Variants in GALNT2 observed in about 807,000 individuals in gnomAD.
The protein encoded by GALNT2 is UDP-GalNAc:polypeptide N-acetylgalactosaminyltransferase 2.
Under a neutral mutation model 81.4 loss-of-function variants are expected in GALNT2, and 31 were observed. That is an observed-to-expected ratio of 0.38 (90% CI 0.29 to 0.51). GALNT2 has a LOEUF of 0.51. GALNT2 is among the 20% of genes least tolerant of loss of function. The pLI, the probability that GALNT2 is intolerant of heterozygous loss-of-function variation, is 0.87. For missense variants in GALNT2, 629 were observed against 765.7 expected (o/e 0.82, Z 2.11); for synonymous variants, 303 against 287.4 (o/e 1.05, Z -0.55).
chr1:230,073,464 G>A (rs1659435932), intron 1 of GALNT2, among the ~76,000 whole-genome samples: 1 of 152,188 alleles, frequency 6.6e-6, no homozygotes, highest in Non-Finnish European at 1.5e-5. Context: ...CTCCTGCCTG[G>A]CTCTTGCCTC....
chr1:230,094,891 C>T (rs1465642895), intron 1 of GALNT2, among the ~76,000 whole-genome samples: 20 of 152,088 alleles, frequency 1.3e-4, no homozygotes, highest in Admixed American at 1.2e-3. Context: ...AAGCGGATTC[C>T]GATACCTCGC....
intron 1 of GALNT2, among the ~76,000 whole-genome samples, chr1:230,100,377 A>T (rs1660367955): frequency 7.5e-6 from 1 of 133,100 alleles, no homozygotes; most frequent in African/African-American, 2.9e-5. Context: ...CCCAGGCTGG[A>T]GTGCAATGGC....
chr1:230,183,585 A>C (rs1035592545), intron 2 of GALNT2, among the ~76,000 whole-genome samples: 2 of 152,228 alleles, frequency 1.3e-5, no homozygotes, highest in African/African-American at 4.8e-5. Flanking sequence ...TTTTACATCC[A>C]CATAAGCATA....
chr1:230,147,133 G>C (rs903938331), intron 1 of GALNT2, among the ~76,000 whole-genome samples: 6 of 152,062 alleles, frequency 3.9e-5, no homozygotes, highest in African/African-American at 1.2e-4. Flanking sequence ...GGGATGAGGG[G>C]TGGGCAGTGC....
chr1:230,246,976 C>T (rs1033339262), intron 8 of GALNT2, among the ~76,000 whole-genome samples: 8 of 151,840 alleles, frequency 5.3e-5, no homozygotes, highest in Non-Finnish European at 8.8e-5. Context: ...CAGTGGCTCA[C>T]GCTTATAATC....
At chr1:230,268,810 C>A (rs913122201) in intron 14 of GALNT2, among the ~76,000 whole-genome samples, 2 of 152,184 alleles carry the variant, frequency 1.3e-5, no homozygotes, top group Non-Finnish European at 2.9e-5. Flanking sequence ...GTGGCCCTCA[C>A]CCCCCGGTCC....
intron 2 of GALNT2, among the ~76,000 whole-genome samples, chr1:230,184,524 G>A (rs1182248318): frequency 1.3e-5 from 2 of 151,804 alleles, no homozygotes; most frequent in Non-Finnish European, 2.9e-5. Context: ...AATTCTAGGT[G>A]GTCATTTTTT....
chr1:230,071,550 G>C (rs78166680), intron 1 of GALNT2, among the ~76,000 whole-genome samples: 1 of 152,124 alleles, frequency 6.6e-6, no homozygotes, highest in South Asian at 2.1e-4. Flanking sequence ...AGGGCAGGTC[G>C]CTGTGATCCC....
chr1:230,058,000 G>A (rs1658954756), exon 1 of GALNT2: 2 of 456,082 alleles, frequency 4.4e-6, no homozygotes, highest in South Asian at 3.1e-5. Flanking sequence ...GAGTGTACAC[G>A]AACGAAAAGC....
At chr1:230,181,444 A>G (rs573239254) in intron 2 of GALNT2, among the ~76,000 whole-genome samples, 3 of 152,232 alleles carry the variant, frequency 2.0e-5, no homozygotes, top group Non-Finnish European at 2.9e-5. Flanking sequence ...CATAAATCCT[A>G]CTTGATCATG....
intron 1 of GALNT2, among the ~76,000 whole-genome samples, chr1:230,113,146 G>A (rs987261711): frequency 2.0e-5 from 3 of 152,140 alleles, no homozygotes; most frequent in Admixed American, 2.0e-4. Context: ...CTGGAGGGAG[G>A]GATAGAGCCC....
chr1:230,267,662 C>G (rs2102770487), intron 14 of GALNT2, among the ~76,000 whole-genome samples: 2 of 152,310 alleles, frequency 1.3e-5, no homozygotes, highest in East Asian at 3.9e-4. Flanking sequence ...CCACCCGTGT[C>G]AGGAGTCACC....
At chr1:230,235,560 G>A (rs1382261832) in intron 3 of GALNT2, among the ~76,000 whole-genome samples, 1 of 152,224 alleles carries the variant, frequency 6.6e-6, no homozygotes, top group Non-Finnish European at 1.5e-5. Context: ...TTCGTGGTGA[G>A]AACCAAGTTC....
At chr1:230,265,106 A>G in intron 13 of GALNT2, 135 bp from the exon 14 acceptor site, 1 of 1,103,788 alleles carries the variant, frequency 9.1e-7, no homozygotes, top group Non-Finnish European at 1.3e-6. Flanking sequence ...TGTGGTAGGA[A>G]GAGGCACGAT....
intron 2 of GALNT2, among the ~76,000 whole-genome samples, chr1:230,199,440 GGGTTGTGACCCATCATTA>G (rs1663816566): frequency 6.6e-6 from 1 of 152,256 alleles, no homozygotes; most frequent in South Asian, 2.1e-4. Context: ...TCCAAATTAT[GGGTTGTGACCCATCATTA>G]GGTGGTGAAG....
At chr1:230,118,046 CT>C (rs1660898372) in intron 1 of GALNT2, among the ~76,000 whole-genome samples, 1 of 152,242 alleles carries the variant, frequency 6.6e-6, no homozygotes, top group African/African-American at 2.4e-5. Flanking sequence ...GATCTTTTTA[CT>C]GTCTCCATCA....
chr1:230,267,777 G>A (rs78214915), intron 14 of GALNT2, among the ~76,000 whole-genome samples: 5,662 of 152,268 alleles, frequency 0.037, 314 homozygotes, highest in East Asian at 0.22. Context: ...GGGCAGAGGC[G>A]GAGGGGAAGG....
At position 230,268,600 on chromosome 1, in the gene GALNT2, C is replaced by CT. The variant is rs560788248; in HGVS notation, c.1440+3234dup. 316 of 152,512 alleles carry CT rather than the reference C, an allele frequency of 2.1e-3. 2 individuals are homozygous for CT. The highest frequency in any genetic ancestry group is 0.01 in the Middle Eastern group (3 of 296). 9.4% of individuals were successfully genotyped at this position (152,512 alleles called of 1,614,324 possible). On this transcript the variant is annotated intron_variant, in intron 14 of 15. Transcript: ENST00000366672. ...GAGTCTCGGGCCCCAGCTTCATCCCCTGTGCGTCAGGCTCTGTGACTGGCT... is the reference window on the plus strand; with the variant it reads ...GAGTCTCGGGCCCCAGCTTCATCCCCTTGTGCGTCAGGCTCTGTGACTGGCT...
chr1:230,246,222 A>C, intron 8 of GALNT2, 72 bp downstream of exon 8: 1 of 1,149,634 alleles, frequency 8.7e-7, no homozygotes, highest in Non-Finnish European at 1.3e-6. Context: ...ACTCCCTCTC[A>C]TTGTCAGGAG....
Sources: allele counts gnomAD v4.1 joint callset (sites outside exome capture counted in the v4.1 genomes callset), GRCh38; gene constraint gnomAD v4.1.1; transcripts MANE v1.5; gene names NCBI Gene and HGNC (gene_info 2026-07-23, HGNC 2026-07-21).